The following MUC5AC variants were observed in gnomAD, a reference collection of about 807,000 sequenced individuals.
MUC5AC encodes mucin 5AC, oligomeric mucus/gel-forming.
Under a neutral mutation model 169.7 loss-of-function variants are expected in MUC5AC, and 158 were observed. The observed-to-expected ratio is 0.93, with a 90% CI of 0.82 to 1.06. The LOEUF is 1.06. Ranked by LOEUF, MUC5AC falls within the 50% of genes least tolerant of loss-of-function variation. The probability of loss-of-function intolerance (pLI) is 0.00; values close to 1 mark genes in which losing one functional copy is unlikely to be tolerated. For missense variants in MUC5AC, 4,359 were observed against 3,089.9 expected, an observed-to-expected ratio of 1.41 and a Z score of -9.74; for synonymous variants, 1,975 against 1,237.0, an observed-to-expected ratio of 1.60 and a Z score of -12.52.
chr11:1,167,302 C>T (rs1379900783), intron 11 of MUC5AC, among the ~76,000 whole-genome samples: 1 of 151,226 alleles, frequency 6.6e-6, no homozygotes, highest in Non-Finnish European at 1.5e-5. Flanking sequence ...AAGATGAGAC[C>T]TTGCACTCAA....
chr11:1,185,971 C>A lies in MUC5AC; in HGVS notation c.7826C>A (p.Thr2609Lys), dbSNP rs1310789000. ...ACCACCAGCATAACCTCTGCACCTA[C>A]AACCAGCACAAACTCTGCCCCTATA... is the stretch of plus-strand genomic sequence containing the variant. ...VPTTSITSAP[T>K]TSTNSAPISS... Residue 2609 changes from threonine (T) to lysine (K), a missense_variant, in exon 31 of 49, where the codon ACA becomes AAA. By Grantham distance (78) the Thr-to-Lys change is moderately conservative. Coordinates refer to ENST00000621226, the MANE Select transcript of MUC5AC (RefSeq NM_001304359.2). 4 of 734,426 alleles carry A rather than the reference C, an allele frequency of 5.4e-6. No homozygotes were observed. Among genetic ancestry groups the A allele is most frequent in the Non-Finnish European group, 7.5e-6 (3 of 402,510 alleles). The allele number at this position is 734,426 out of a possible 1,614,324, so 45.5% of individuals were successfully genotyped here.
chr11:1,174,607 A>T lies in MUC5AC; in HGVS notation c.2077A>T (p.Arg693Trp). Reference protein sequence around the residue: ...AAKGVQLGGWRDGVCTKPMTT... With the variant: ...AAKGVQLGGWWDGVCTKPMTT... ...CAAGGGCGTGCAGCTCGGCGGCTGG[A>T]GGGACGGCGTCTGCAGTGAGTGCCT... is the stretch of plus-strand genomic sequence containing the variant. Residue 693 changes from arginine (R) to tryptophan (W), a missense_variant, in exon 17 of 49, where the codon AGG (arginine) becomes TGG (tryptophan). Arg to Trp is a moderately radical substitution (Grantham distance 101, BLOSUM62 -3). Transcript: ENST00000621226. 7.6e-7 allele frequency: 1 copy of T among 1,321,550 alleles called. No individual in the cohort carries two copies. The highest frequency in any genetic ancestry group is 1.0e-6 in the Non-Finnish European group (1 of 953,870). 81.9% of individuals were successfully genotyped at this position (1,321,550 alleles called of 1,614,324 possible).
chr11:1,169,149 C>T (rs539728911), intron 15 of MUC5AC, 123 bp downstream of exon 15: 212 of 1,411,328 alleles, frequency 1.5e-4, no homozygotes, highest in African/African-American at 1.0e-3. Flanking sequence ...GGGTGGCTCA[C>T]GAAGGGGCCC....
In MUC5AC at chr11:1,161,597, C is replaced by G; in HGVS notation, c.211+11C>G. 1 of 1,607,322 alleles carries G rather than the reference C, an allele frequency of 6.2e-7. No homozygotes were observed. Among genetic ancestry groups the G allele is most frequent in the East Asian group, 2.2e-5 (1 of 44,760 alleles). Reference sequence around the variant, plus strand: ...TCCCTGTGGTACGAGGTGAGTGGAGCCCGGAGGCCTGGGTGGGGAAGGGTC... The same window carrying G: ...TCCCTGTGGTACGAGGTGAGTGGAGGCCGGAGGCCTGGGTGGGGAAGGGTC... On this transcript the variant is annotated intron_variant, in intron 3 of 48. Coordinates refer to ENST00000621226, the MANE Select transcript of MUC5AC (RefSeq NM_001304359.2).
In MUC5AC at chr11:1,164,060, C is replaced by T. The variant is rs756046297; in HGVS notation, c.790-46C>T. The T allele has an allele frequency of 1.4e-5, 23 of 1,610,256 alleles. No homozygotes were observed. The South Asian group carries it at 2.5e-4, about 18-fold the overall frequency. ...GGGGTTGTGAGCCTGGGAACCGGTC[C>T]AGATCCCCCACCGAGGACTCAGACG... On this transcript the variant is annotated intron_variant, in intron 7 of 48. Transcript: ENST00000621226.
rs1490210177 is a variant in MUC5AC, at chr11:1,188,755, C to A, written c.10610C>A (p.Pro3537His). The A allele has an allele frequency of 4.6e-4, 353 of 759,616 alleles. 2 individuals are homozygous for A. The African/African-American group carries it at 4.9e-3, about 11-fold the overall frequency. The allele number at this position is 759,616 out of a possible 1,614,324, so 47.1% of individuals were successfully genotyped here. A position where few individuals can be genotyped will look rare whatever the true frequency, so the allele number is the denominator to read the frequency against. ...TKWFDVDFPS[P>H]GPHGGDKETY... ...TGGTTTGATGTGGACTTTCCATCCC[C>A]TGGACCCCACGGTGGGGACAAGGAA... Residue 3537 changes from proline (P) to histidine (H), a missense_variant, in exon 31 of 49, where the codon CCT becomes CAT. Pro to His is a moderately conservative substitution (Grantham distance 77). Transcript: ENST00000621226.
At chr11:1,175,559 ACACTCATGCACATGCTCACACACC>A (rs1241119564) in intron 19 of MUC5AC, among the ~76,000 whole-genome samples, 1 of 95,834 alleles carries the variant, frequency 1.0e-5, no homozygotes, top group Admixed American at 9.7e-5. Context: ...GCACACACTC[ACACTCATGCACATGCTCACACACC>A]CACTCATGCA....
At position 1,190,876 on chromosome 11, in the gene MUC5AC, C is replaced by T. The variant is rs1230352500; in HGVS notation, c.12731C>T (p.Ala4244Val). The change falls in exon 31 of 49, where the codon GCT becomes GTT. Residue 4244 changes from alanine (A) to valine (V), a missense_variant. By Grantham distance (64) the Ala-to-Val change is moderately conservative (BLOSUM62 0). Coordinates refer to ENST00000621226, the MANE Select transcript of MUC5AC (RefSeq NM_001304359.2). ...GCCTCTACAACCAGCACAACTTCTG[C>T]TCCTACAACCAGCACAACCTCTGGT... ...TSASTTSTTS[A>V]PTTSTTSGPG... 546 of 734,844 alleles carry T rather than the reference C, an allele frequency of 7.4e-4. 3 individuals are homozygous for T. In the African/African-American group the frequency reaches 8.3e-3, roughly 11 times the overall value. 45.5% of individuals were successfully genotyped at this position (734,844 alleles called of 1,614,324 possible).
At chr11:1,164,607 C>T (rs373715104) in intron 9 of MUC5AC, 75 bp downstream of exon 9, 23 of 1,502,556 alleles carry the variant, frequency 1.5e-5, no homozygotes, top group South Asian at 6.7e-5. Flanking sequence ...GGCCAAGCCT[C>T]GGAAGAAGGA....
intron 29 of MUC5AC, 23 bp from the exon 30 acceptor site, chr11:1,181,248 G>T (rs1016629788): frequency 5.0e-5 from 20 of 398,468 alleles, no homozygotes; most frequent in East Asian, 2.5e-4. Context: ...CCTCTGACGG[G>T]CCTGGGCCCT....
At chr11:1,161,043 C>T (rs762765410) in intron 2 of MUC5AC, among the ~76,000 whole-genome samples, 42 of 152,222 alleles carry the variant, frequency 2.8e-4, no homozygotes, top group Non-Finnish European at 5.3e-4. Context: ...ACGGGCATCT[C>T]CCTTGGCGCC....
At chr11:1,162,759 C>G in intron 5 of MUC5AC, 113 bp downstream of exon 5, 1 of 1,081,042 alleles carries the variant, frequency 9.3e-7, no homozygotes, top group Non-Finnish European at 1.4e-6. Context: ...CAGGGTCAGA[C>G]TCCACCCCAC....
In MUC5AC at chr11:1,195,252, C is replaced by T; in HGVS notation, c.15431C>T (p.Ser5144Leu). Residue 5144 changes from serine (S) to leucine (L), a missense_variant, in exon 36 of 49, where the codon TCA becomes TTA. Physicochemically the swap from Ser to Leu is moderately radical, Grantham distance 145. Coordinates refer to ENST00000621226, the MANE Select transcript of MUC5AC (RefSeq NM_001304359.2). ...PTTPPAPCLPSPICQLILSKV... is the reference protein window; with the variant it reads ...PTTPPAPCLPLPICQLILSKV... ...ACACCGCCTGCTCCGTGCCTGCCAT[C>T]ACCCATCTGCCAGCTGATTCTGAGC... 1.3e-6 allele frequency: 1 copy of T among 764,544 alleles called. No homozygotes were observed. Among genetic ancestry groups the T allele is most frequent in the South Asian group, 1.3e-5 (1 of 74,600 alleles). The allele number at this position is 764,544 out of a possible 1,614,324, so 47.4% of individuals were successfully genotyped here.
In MUC5AC at chr11:1,198,866, C is replaced by T. The variant is rs758924557; in HGVS notation, c.16174-8C>T. The T allele has an allele frequency of 4.1e-6, 3 of 731,810 alleles. No individual in the cohort carries two copies. The highest frequency in any genetic ancestry group is 5.1e-5 in the East Asian group (2 of 39,106). 45.3% of individuals were successfully genotyped at this position (731,810 alleles called of 1,614,324 possible). On this transcript the variant is annotated splice_region_variant and splice_polypyrimidine_tract_variant and intron_variant, in intron 43 of 48. Coordinates refer to ENST00000621226, the MANE Select transcript of MUC5AC (RefSeq NM_001304359.2). ...CTCATGAGTGTCTGCTGCCCTGGCT[C>T]TCCCCAGCCCGGCGCCGTGGTCTCC... is the stretch of plus-strand genomic sequence containing the variant.
At chr11:1,172,804 A>G (rs1230839579) in intron 16 of MUC5AC, among the ~76,000 whole-genome samples, 1 of 148,540 alleles carries the variant, frequency 6.7e-6, no homozygotes, top group Non-Finnish European at 1.5e-5. Context: ...TCACTCACCC[A>G]TTCACCCATT....
rs2133782045 is a variant in MUC5AC, at chr11:1,200,873, G to A, written c.*171G>A. 5.8e-6 allele frequency: 3 copies of A among 514,688 alleles called. No homozygotes were observed. In the East Asian group the frequency reaches 8.9e-5, roughly 15 times the overall value. 31.9% of individuals were successfully genotyped at this position (514,688 alleles called of 1,614,324 possible). On this transcript the variant is annotated 3_prime_UTR_variant, in exon 49 of 49. Coordinates refer to ENST00000621226, the MANE Select transcript of MUC5AC (RefSeq NM_001304359.2). Reference sequence around the variant, plus strand: ...TGGGCTATGGGTCACCTGCTGCCTGGAGGAGGGGCCCTTACCCACCCCGCC... The same window carrying A: ...TGGGCTATGGGTCACCTGCTGCCTGAAGGAGGGGCCCTTACCCACCCCGCC...
chr11:1,196,701 C>T lies in MUC5AC; in HGVS notation c.15810C>T (p.Cys5270=), dbSNP rs967333021. 9 of 758,968 alleles carry T rather than the reference C, an allele frequency of 1.2e-5. No homozygotes were observed. The highest frequency in any genetic ancestry group is 3.4e-5 in the African/African-American group (2 of 58,922). The allele number at this position is 758,968 out of a possible 1,614,324, so 47.0% of individuals were successfully genotyped here. Residue 5270 remains cysteine, a synonymous_variant, in exon 39 of 49, where the codon TGC becomes TGT. Coordinates refer to ENST00000621226, the MANE Select transcript of MUC5AC (RefSeq NM_001304359.2). ...TCTTCAGCACCAGTGCCCAAGTCTG[C>T]GTGCCCACGGGCTGCCCCAGTACGT... ...MTLFSTSAQV[C]VPTGCPRCLG...
In MUC5AC at chr11:1,187,727, C is replaced by G; in HGVS notation, c.9582C>G (p.Thr3194=). 1.3e-6 allele frequency: 1 copy of G among 765,182 alleles called. No individual in the cohort carries two copies. Among genetic ancestry groups the G allele is most frequent in the Admixed American group, 1.7e-5 (1 of 59,034 alleles). 47.4% of individuals were successfully genotyped at this position (765,182 alleles called of 1,614,324 possible). Residue 3194 remains threonine, a synonymous_variant, in exon 31 of 49, where the codon ACC becomes ACG. Coordinates refer to ENST00000621226, the MANE Select transcript of MUC5AC (RefSeq NM_001304359.2). ...PGTTPSPVPT[T]STASVSKTST... ...CCACTCCCAGCCCCGTTCCCACCAC[C>G]AGCACAGCCTCTGTTTCAAAGACCA... is the stretch of plus-strand genomic sequence containing the variant.
intron 4 of MUC5AC, 21 bp downstream of exon 4, chr11:1,162,189 G>C (rs1479977194): frequency 1.2e-6 from 2 of 1,602,916 alleles, no homozygotes; most frequent in Non-Finnish European, 1.7e-6. Flanking sequence ...GTTCTGGGAT[G>C]GTGGGGGCCA....
Sources: allele counts gnomAD v4.1 joint callset (sites outside exome capture counted in the v4.1 genomes callset), GRCh38; gene constraint gnomAD v4.1.1; transcripts MANE v1.5; gene names NCBI Gene and HGNC (gene_info 2026-07-23, HGNC 2026-07-21).